Variants in ILDR1 observed in about 807,000 individuals in gnomAD.
The protein encoded by ILDR1 is immunoglobulin like domain containing receptor 1.
A neutral mutation model predicts 62.4 loss-of-function variants in ILDR1; 56 were observed. The ratio of observed to expected loss-of-function variants is 0.90; its 90% CI spans 0.72 to 1.12. The LOEUF (loss-of-function observed/expected upper bound fraction) is 1.12. Ranked by LOEUF, ILDR1 falls within the 50% of genes most tolerant of loss-of-function variation. The pLI is 0.00. For synonymous variants in ILDR1, 284 were observed against 277.8 expected (o/e 1.02, Z -0.22); for missense variants, 736 against 710.6 (o/e 1.04, Z -0.41).
chr3:122,051,196 C>T, the ILDR1 span, among the ~76,000 whole-genome samples: 1 of 152,110 alleles, frequency 6.6e-6, no homozygotes, highest in African/African-American at 2.4e-5. Context: ...AAGTTTTCAG[C>T]CATTATTTCT....
At chr3:121,992,877 G>A (rs945929469) in intron 7 of ILDR1, among the ~76,000 whole-genome samples, 3 of 152,208 alleles carry the variant, frequency 2.0e-5, no homozygotes, top group Non-Finnish European at 2.9e-5. Flanking sequence ...CTGTGACCTC[G>A]CTTGGCCTAC....
At chr3:121,989,412 T>G (rs2071305434) in intron 7 of ILDR1, among the ~76,000 whole-genome samples, 3 of 152,164 alleles carry the variant, frequency 2.0e-5, no homozygotes, top group Admixed American at 2.0e-4. Flanking sequence ...AATCAAAAAG[T>G]CAAGAAAAAA....
the ILDR1 span, among the ~76,000 whole-genome samples, chr3:122,054,374 G>C: frequency 6.6e-6 from 1 of 152,004 alleles, no homozygotes; most frequent in East Asian, 1.9e-4. Flanking sequence ...ATTTAGGAAG[G>C]CTGTCTTGGT....
At chr3:122,028,099 G>A in the ILDR1 span, among the ~76,000 whole-genome samples, 5 of 151,958 alleles carry the variant, frequency 3.3e-5, no homozygotes, top group African/African-American at 4.8e-5. Flanking sequence ...AGGCCAAGGC[G>A]GGCAGATCAC....
At chr3:122,022,253 G>T, upstream of ILDR1, 1 of 538,236 alleles carries the variant, frequency 1.9e-6, no homozygotes, top group Non-Finnish European at 3.2e-6. Context: ...CGCCCGGCTC[G>T]TCCCCACCTG....
At chr3:122,057,664 G>A in the ILDR1 span, among the ~76,000 whole-genome samples, 1 of 152,156 alleles carries the variant, frequency 6.6e-6, no homozygotes. Flanking sequence ...ATCTAGTGAT[G>A]TGTGATAATT....
At chr3:122,039,562 G>A in the ILDR1 span, among the ~76,000 whole-genome samples, 6,678 of 152,108 alleles carry the variant, frequency 0.044, 197 homozygotes, top group Middle Eastern at 0.082. Flanking sequence ...AAGCAATGGA[G>A]AAATAAAGAC....
At chr3:121,996,537 G>C (rs1175913384) in intron 5 of ILDR1, among the ~76,000 whole-genome samples, 2 of 152,142 alleles carry the variant, frequency 1.3e-5, no homozygotes, top group Non-Finnish European at 2.9e-5. Context: ...GGTATCTGTT[G>C]CTCACCTAAT....
chr3:122,007,163 T>C lies in ILDR1; in HGVS notation c.59-2A>G. 6.2e-7 allele frequency: 1 copy of C among 1,614,078 alleles called. No individual in the cohort carries two copies. Among genetic ancestry groups the C allele is most frequent in the Non-Finnish European group, 8.5e-7 (1 of 1,180,008 alleles). ...CCGTCACAAGCAAGGACAGGCACCCTAAAGCCAAGAGCAGGAGAAAATGCT... is the reference window on the plus strand; with the variant it reads ...CCGTCACAAGCAAGGACAGGCACCCCAAAGCCAAGAGCAGGAGAAAATGCT... On this transcript the variant is annotated splice_acceptor_variant, in intron 1 of 7. Transcript: ENST00000344209. LOFTEE classifies it high-confidence loss of function.
intron 1 of ILDR1, among the ~76,000 whole-genome samples, chr3:122,008,784 G>T (rs1348825620): frequency 6.6e-6 from 1 of 151,138 alleles, no homozygotes; most frequent in Non-Finnish European, 1.5e-5. Flanking sequence ...GTAGATGCAG[G>T]GTTTCACCAT....
chr3:121,989,158 G>C lies in ILDR1; in HGVS notation c.1600-750C>G, dbSNP rs369679570. ...ATACTGCTCAAAAGGGATCACATAT[G>C]TATGTACATTCATGTTGCTATAAAA... On this transcript the variant is annotated intron_variant, in intron 7 of 7. Coordinates refer to ENST00000344209, the MANE Select transcript of ILDR1 (RefSeq NM_001199799.2). 2.3e-4 allele frequency among the ~76,000 whole-genome samples: 35 copies of C among 152,268 alleles called. 2 individuals carry two copies. Among genetic ancestry groups the C allele is most frequent in the Middle Eastern group, 3.4e-3 (1 of 294 alleles).
chr3:122,024,412 A>C (rs182666669), upstream of ILDR1, among the ~76,000 whole-genome samples: 52 of 152,320 alleles, frequency 3.4e-4, no homozygotes, highest in Admixed American at 3.3e-3. Flanking sequence ...TTCTATGTAA[A>C]CAAATGAAAA....
chr3:121,999,228 A>G lies in ILDR1; in HGVS notation c.646+2080T>C, dbSNP rs533447288. Reference sequence around the variant, plus strand: ...AAAAAATTTCCTTTCAAATGGATCAAACTGATAAAGGTGGTTATCTCTGGG... The same window carrying G: ...AAAAAATTTCCTTTCAAATGGATCAGACTGATAAAGGTGGTTATCTCTGGG... On this transcript the variant is annotated intron_variant, in intron 5 of 7. Coordinates refer to ENST00000344209, the MANE Select transcript of ILDR1 (RefSeq NM_001199799.2). 4.6e-5 allele frequency among the ~76,000 whole-genome samples: 7 copies of G among 152,214 alleles called. 1 individual carries two copies. The South Asian group carries it at 8.3e-4, about 18-fold the overall frequency.
chr3:122,035,435 C>A, the ILDR1 span, among the ~76,000 whole-genome samples: 1 of 152,000 alleles, frequency 6.6e-6, no homozygotes, highest in Non-Finnish European at 1.5e-5. Flanking sequence ...AATCTGTATG[C>A]CTTTTCCCCA....
At chr3:122,045,128 C>T in the ILDR1 span, among the ~76,000 whole-genome samples, 5 of 151,620 alleles carry the variant, frequency 3.3e-5, no homozygotes, top group East Asian at 1.9e-4. Flanking sequence ...TCTTTGTTCT[C>T]GTTGGTTTCA....
chr3:122,050,258 TA>T, the ILDR1 span, among the ~76,000 whole-genome samples: 1 of 152,232 alleles, frequency 6.6e-6, no homozygotes, highest in Admixed American at 6.5e-5. Flanking sequence ...CATTTATATT[TA>T]AAGTAATTAT....
At chr3:122,015,111 T>C (rs1382427945) in intron 1 of ILDR1, among the ~76,000 whole-genome samples, 3 of 152,208 alleles carry the variant, frequency 2.0e-5, no homozygotes, top group African/African-American at 7.2e-5. Flanking sequence ...GACAAAGTAG[T>C]TCCTGTCATG....
chr3:122,056,364 C>T, the ILDR1 span, among the ~76,000 whole-genome samples: 3 of 152,090 alleles, frequency 2.0e-5, no homozygotes. Flanking sequence ...GAAACAGAGT[C>T]TCGCTCTGTC....
At chr3:122,058,270 C>A in the ILDR1 span, among the ~76,000 whole-genome samples, 1 of 152,124 alleles carries the variant, frequency 6.6e-6, no homozygotes, top group Non-Finnish European at 1.5e-5. Flanking sequence ...GGCAGGACAA[C>A]CCCAAGTTGT....
Sources: allele counts gnomAD v4.1 joint callset (sites outside exome capture counted in the v4.1 genomes callset), GRCh38; gene constraint gnomAD v4.1.1; transcripts MANE v1.5; gene names NCBI Gene and HGNC (gene_info 2026-07-23, HGNC 2026-07-21).